CDH12: variants seen among roughly 807,000 people sequenced by gnomAD.
The protein encoded by CDH12 is cadherin-12.
A neutral mutation model predicts 74.1 loss-of-function variants in CDH12; 41 were observed. The observed-to-expected ratio is 0.55, with a 90% CI of 0.43 to 0.72. The LOEUF (loss-of-function observed/expected upper bound fraction) is 0.72. Ranked by LOEUF, CDH12 falls within the 30% of genes least tolerant of loss-of-function variation. CDH12 has a pLI of 0.00. For missense variants in CDH12, 945 were observed against 977.2 expected, an observed-to-expected ratio of 0.97 and a Z score of 0.44; for synonymous variants, 399 against 355.0, an observed-to-expected ratio of 1.12 and a Z score of -1.39.
chr5:22,586,484 T>C (rs1314007832), intron 1 of CDH12, among the ~76,000 whole-genome samples: 1 of 111,812 alleles, frequency 8.9e-6, no homozygotes, highest in Non-Finnish European at 1.8e-5. Context: ...ACTTAAAGTA[T>C]AATAAAATAT....
At chr5:22,572,166 TTA>T (rs2126767411) in intron 1 of CDH12, among the ~76,000 whole-genome samples, 1 of 152,230 alleles carries the variant, frequency 6.6e-6, no homozygotes, top group South Asian at 2.1e-4. Context: ...CAAAAAAAAG[TTA>T]TATGAGATCT....
At chr5:22,374,665 T>C (rs547877578) in intron 3 of CDH12, among the ~76,000 whole-genome samples, 3 of 151,994 alleles carry the variant, frequency 2.0e-5, no homozygotes, top group Non-Finnish European at 2.9e-5. Context: ...ACTTCAATAA[T>C]GAACTACCTG....
chr5:22,024,427 T>C (rs1194292452), intron 5 of CDH12, among the ~76,000 whole-genome samples: 1 of 152,218 alleles, frequency 6.6e-6, no homozygotes, highest in Non-Finnish European at 1.5e-5. Context: ...ATCTAGCATA[T>C]ATAAAACTAC....
At chr5:22,050,745 A>G (rs957674210) in intron 5 of CDH12, among the ~76,000 whole-genome samples, 3 of 152,142 alleles carry the variant, frequency 2.0e-5, no homozygotes, top group African/African-American at 7.2e-5. Flanking sequence ...GTCTGTTCTC[A>G]ATACTTGGTA....
At chr5:22,301,174 G>T (rs1024092008) in intron 3 of CDH12, among the ~76,000 whole-genome samples, 1 of 152,012 alleles carries the variant, frequency 6.6e-6, no homozygotes, top group East Asian at 1.9e-4. Context: ...TTCTACCCAG[G>T]CGTATTTAAA....
Position 22,776,666 on chromosome 5 carries a change from G to T in CDH12, c.-523+76392C>A, listed in dbSNP as rs1238112927. Among the ~76,000 whole-genome samples the T allele has an allele frequency of 3.3e-5, 5 of 152,278 alleles. No individual in the cohort carries two copies. The South Asian group carries it at 6.2e-4, about 19-fold the overall frequency. On this transcript the variant is annotated intron_variant, in intron 1 of 14. Coordinates refer to ENST00000382254, the MANE Select transcript of CDH12 (RefSeq NM_004061.5). ...GATCTGGGGGTTGTGAGAAATTTTA[G>T]AACTGTGATAAAGACGAGTGTATTT...
chr5:22,185,623 C>T (rs1234689558), intron 4 of CDH12, among the ~76,000 whole-genome samples: 2 of 152,052 alleles, frequency 1.3e-5, no homozygotes, highest in African/African-American at 4.8e-5. Context: ...AACACATTTC[C>T]GTGTATAAGT....
chr5:22,329,172 T>A (rs537584506), intron 3 of CDH12, among the ~76,000 whole-genome samples: 4 of 152,278 alleles, frequency 2.6e-5, no homozygotes, highest in African/African-American at 7.2e-5. Context: ...TAAAAATTAA[T>A]GCTAGAACAT....
intron 1 of CDH12, among the ~76,000 whole-genome samples, chr5:22,810,928 T>C (rs1393541135): frequency 1.4e-5 from 2 of 146,564 alleles, no homozygotes; most frequent in East Asian, 3.9e-4. Context: ...TGTGTGTGTG[T>C]GTATACACAT....
At chr5:22,687,102 T>A (rs1295600151) in intron 1 of CDH12, among the ~76,000 whole-genome samples, 1 of 152,020 alleles carries the variant, frequency 6.6e-6, no homozygotes, top group Non-Finnish European at 1.5e-5. Flanking sequence ...GAGACCACTC[T>A]GACCAATATG....
At position 22,417,323 on chromosome 5, in the gene CDH12, G is replaced by T. The variant is rs562295476; in HGVS notation, c.-427-11972C>A. Among the ~76,000 whole-genome samples, 52 of 152,336 alleles carry T rather than the reference G, an allele frequency of 3.4e-4. No individual in the cohort carries two copies. The South Asian group carries it at 6.4e-3, about 19-fold the overall frequency. ...GTTAGGACCTTCAAGAGGTGATTAG[G>T]TTATGAGGGTCGTGCCTTTCTGAAT... On this transcript the variant is annotated intron_variant, in intron 2 of 14. Transcript: ENST00000382254.
At chr5:22,621,908 G>C (rs969214207) in intron 1 of CDH12, among the ~76,000 whole-genome samples, 2 of 151,914 alleles carry the variant, frequency 1.3e-5, no homozygotes, top group Non-Finnish European at 2.9e-5. Context: ...ATTTTCAATG[G>C]AATTTTACCA....
chr5:22,281,454 A>G lies in CDH12; in HGVS notation c.-332-68811T>C, dbSNP rs114690786. On this transcript the variant is annotated intron_variant, in intron 3 of 14. Transcript: ENST00000382254. The stretch of plus-strand genomic sequence containing the variant: ...CAAATTGTCTCTATTTGCAGATGAC[A>G]TGGTTTTATGCTTAGAAAACCCCAT... 5.8e-3 allele frequency among the ~76,000 whole-genome samples: 888 copies of G among 152,328 alleles called. 3 individuals carry two copies. Among genetic ancestry groups the G allele is most frequent in the Non-Finnish European group, 9.7e-3 (657 of 68,030 alleles).
chr5:22,462,365 C>T (rs1306913696), intron 2 of CDH12, among the ~76,000 whole-genome samples: 4 of 152,076 alleles, frequency 2.6e-5, no homozygotes, highest in African/African-American at 9.7e-5. Context: ...CTGTGAAATG[C>T]TGGGATATAA....
intron 1 of CDH12, among the ~76,000 whole-genome samples, chr5:22,825,034 G>A (rs1312847060): frequency 6.6e-6 from 1 of 151,834 alleles, no homozygotes; most frequent in Non-Finnish European, 1.5e-5. Flanking sequence ...GATAAAAAGG[G>A]TCACAGAATA....
intron 1 of CDH12, among the ~76,000 whole-genome samples, chr5:22,573,437 A>T (rs1011404078): frequency 1.3e-5 from 2 of 150,144 alleles, no homozygotes; most frequent in Admixed American, 1.3e-4. Context: ...ATATGTATAT[A>T]AAAAATATTG....
At chr5:22,458,445 A>G (rs556541985) in intron 2 of CDH12, among the ~76,000 whole-genome samples, 1 of 152,254 alleles carries the variant, frequency 6.6e-6, no homozygotes, top group Admixed American at 6.5e-5. Flanking sequence ...GGATTTCAAC[A>G]TTTCTTTTTT....
At chr5:22,237,493 C>T (rs899441632) in intron 3 of CDH12, among the ~76,000 whole-genome samples, 1 of 152,076 alleles carries the variant, frequency 6.6e-6, no homozygotes, top group East Asian at 1.9e-4. Context: ...ATTACAAAGG[C>T]TCCAGAGGAC....
chr5:21,781,589 T>A (rs1019411872), intron 11 of CDH12, among the ~76,000 whole-genome samples: 2 of 152,002 alleles, frequency 1.3e-5, no homozygotes, highest in African/African-American at 4.8e-5. Flanking sequence ...CCAGGTGCGA[T>A]GATACATGCC....
Sources: allele counts gnomAD v4.1 joint callset (sites outside exome capture counted in the v4.1 genomes callset), GRCh38; gene constraint gnomAD v4.1.1; transcripts MANE v1.5; gene names NCBI Gene and HGNC (gene_info 2026-07-23, HGNC 2026-07-21).